Variants in ZSCAN5C observed in about 807,000 individuals in gnomAD.
The protein encoded by ZSCAN5C is zinc finger and SCAN domain-containing protein 5C.
In ZSCAN5C, 11 loss-of-function variants were observed where a neutral mutation model predicts 17.3. The ratio of observed to expected loss-of-function variants is 0.64; its 90% CI spans 0.40 to 1.06. The LOEUF is 1.06. ZSCAN5C is among the 50% of genes least tolerant of loss of function. The pLI is 0.00. For missense variants in ZSCAN5C, 698 were observed against 538.9 expected, an observed-to-expected ratio of 1.30 and a Z score of -2.92; for synonymous variants, 229 against 208.4, an observed-to-expected ratio of 1.10 and a Z score of -0.85.
At chr19:56,208,713 C>T (rs2146341742) in exon 5 of ZSCAN5C, 1 of 1,612,614 alleles carries the variant, frequency 6.2e-7, no homozygotes, top group Non-Finnish European at 8.5e-7. Context: ...CCAGTTCATT[C>T]CCCAGGCCCT....
chr19:56,205,539 G>A (rs764207804), intron 1 of ZSCAN5C, among the ~76,000 whole-genome samples: 5 of 151,856 alleles, frequency 3.3e-5, no homozygotes, highest in Non-Finnish European at 5.9e-5. Flanking sequence ...TGTTCGATGG[G>A]CAGGAAAACC....
chr19:56,204,091 T>G lies in ZSCAN5C; in HGVS notation c.-127-1696T>G, dbSNP rs963145117. Among the ~76,000 whole-genome samples the G allele has an allele frequency of 6.6e-5, 10 of 152,026 alleles. No individual in the cohort carries two copies. In the East Asian group the frequency reaches 7.7e-4, roughly 12 times the overall value. ...TGAGTATATTGAGTGATGCTGAGGT[T>G]TGAGGTATGACTCTACCCATCACCC... On this transcript the variant is annotated intron_variant, in intron 1 of 4. Coordinates refer to ENST00000534327, the Ensembl canonical transcript of ZSCAN5C.
exon 5 of ZSCAN5C, chr19:56,208,801 G>A (rs1400700087): frequency 1.3e-6 from 2 of 1,575,818 alleles, no homozygotes; most frequent in Non-Finnish European, 8.7e-7. Flanking sequence ...GCGGCAAGAG[G>A]TTTAAGTATC....
At chr19:56,207,829 G>A (rs1568591366) in intron 3 of ZSCAN5C, among the ~76,000 whole-genome samples, 1 of 151,944 alleles carries the variant, frequency 6.6e-6, no homozygotes, top group Middle Eastern at 3.4e-3. Flanking sequence ...GGGGTTAGGG[G>A]CCTCCACCTA....
At chr19:56,207,188 A>C in exon 3 of ZSCAN5C, 1 of 778,648 alleles carries the variant, frequency 1.3e-6, no homozygotes, top group Non-Finnish European at 2.4e-6. Context: ...TGTGAACCAG[A>C]TGTGTCCGGA....
chr19:56,206,047 T>C, exon 2 of ZSCAN5C: 1 of 1,613,442 alleles, frequency 6.2e-7, no homozygotes, highest in Non-Finnish European at 8.5e-7. Flanking sequence ...ACTTGTCACG[T>C]GAACTTCAGG....
intron 2 of ZSCAN5C, 91 bp from the exon 3 acceptor site, chr19:56,206,968 T>C (rs540611640): frequency 1.1e-4 from 68 of 634,106 alleles, no homozygotes; most frequent in Middle Eastern, 3.6e-4. Context: ...TTAATTACAG[T>C]AAAGTGTGAG....
At chr19:56,203,899 T>C (rs973337891) in intron 1 of ZSCAN5C, among the ~76,000 whole-genome samples, 1 of 151,848 alleles carries the variant, frequency 6.6e-6, no homozygotes, top group African/African-American at 2.4e-5. Flanking sequence ...TCCGCCCATC[T>C]CAGCCGTCCA....
At chr19:56,208,718 G>C (rs1339717348) in exon 5 of ZSCAN5C, 2 of 1,612,280 alleles carry the variant, frequency 1.2e-6, no homozygotes, top group Non-Finnish European at 1.7e-6. Flanking sequence ...TCATTCCCCA[G>C]GCCCTGCGGG....
At chr19:56,206,946 C>T (rs1188072691) in intron 2 of ZSCAN5C, 113 bp from the exon 3 acceptor site, 7 of 608,106 alleles carry the variant, frequency 1.2e-5, no homozygotes, top group East Asian at 2.7e-5. Context: ...ATCGGGAAGG[C>T]AGATTTGAAC....
At chr19:56,205,877 C>G in exon 2 of ZSCAN5C, 2 of 901,674 alleles carry the variant, frequency 2.2e-6, no homozygotes, top group Non-Finnish European at 3.6e-6. Context: ...TCTGGAAGAG[C>G]TTTCCCAGAG....
chr19:56,204,732 G>C (rs1016978701), intron 1 of ZSCAN5C, among the ~76,000 whole-genome samples: 2 of 151,774 alleles, frequency 1.3e-5, no homozygotes, highest in Non-Finnish European at 2.9e-5. Flanking sequence ...TGGGGCACTC[G>C]CCCTCCAGGC....
At chr19:56,208,220 C>T (rs1030547823) in intron 4 of ZSCAN5C, 36 bp downstream of exon 4, 1 of 753,740 alleles carries the variant, frequency 1.3e-6, no homozygotes, top group African/African-American at 1.7e-5. Flanking sequence ...TGGAGATAGC[C>T]CCTCTCTTCT....
chr19:56,209,141 G>C (rs763649961), exon 5 of ZSCAN5C: 2 of 1,466,030 alleles, frequency 1.4e-6, no homozygotes, highest in South Asian at 1.2e-5. Flanking sequence ...AAGAGCCTTC[G>C]GTCGGCCGGC....
exon 2 of ZSCAN5C, chr19:56,206,027 T>G (rs570007629): frequency 1.3e-5 from 21 of 1,611,704 alleles, no homozygotes; most frequent in South Asian, 5.5e-5. Context: ...ATCATGACAG[T>G]GATCCTGAGA....
At position 56,205,925 on chromosome 19, in the gene ZSCAN5C, T is replaced by A. The variant is rs762298814; in HGVS notation, c.12T>A (p.Asn4Lys). ...ATTCCCCAGTAGACATGGCTGCAAATTGCACATCCTCATGGAGTCTAGGAG... is the reference window on the plus strand; with the variant it reads ...ATTCCCCAGTAGACATGGCTGCAAAATGCACATCCTCATGGAGTCTAGGAG... The change falls in exon 2 of 5, where the codon AAT becomes AAA. Residue 4 changes from asparagine to lysine, a missense_variant. Around this residue, in one of 3 missense-constraint regions of ZSCAN5C, gnomAD observed 100 missense variants for 74.6 expected, o/e 1.34. Transcript: ENST00000534327. 3 of 1,209,186 alleles carry A rather than the reference T, an allele frequency of 2.5e-6. No homozygotes were observed. The South Asian group carries it at 3.6e-5, about 15-fold the overall frequency. The allele number at this position is 1,209,186 out of a possible 1,614,324, so 74.9% of individuals were successfully genotyped here. A position where few individuals can be genotyped will look rare whatever the true frequency, so the allele number is the denominator to read the frequency against.
chr19:56,205,452 G>C (rs1206330634), intron 1 of ZSCAN5C, among the ~76,000 whole-genome samples: 1 of 151,902 alleles, frequency 6.6e-6, no homozygotes, highest in South Asian at 2.1e-4. Context: ...AAAACATAAA[G>C]AATTGACATG....
exon 2 of ZSCAN5C, chr19:56,206,141 C>G (rs968928619): frequency 1.3e-5 from 21 of 1,603,832 alleles, no homozygotes; most frequent in Non-Finnish European, 1.4e-5. Context: ...TGAGGCCCGA[C>G]CTCCACACCA....
intron 3 of ZSCAN5C, among the ~76,000 whole-genome samples, chr19:56,207,467 T>C (rs2032936085): frequency 7.7e-6 from 1 of 130,204 alleles, no homozygotes. Flanking sequence ...TGAGAGCTTT[T>C]AGCATGTAGG....
Sources: allele counts gnomAD v4.1 joint callset (sites outside exome capture counted in the v4.1 genomes callset), GRCh38; gene constraint gnomAD v4.1.1; regional missense constraint gnomAD v4.1.1; transcripts MANE v1.5; gene names NCBI Gene and HGNC (gene_info 2026-07-23, HGNC 2026-07-21).